CTNNA2: variants seen among roughly 807,000 people sequenced by gnomAD.
CTNNA2 encodes catenin alpha 2.
In CTNNA2, 42 loss-of-function variants were observed where a neutral mutation model predicts 101.0. That is an observed-to-expected ratio of 0.42 (90% confidence interval 0.32 to 0.54). CTNNA2 has a LOEUF of 0.54. Ranked by LOEUF, CTNNA2 falls within the 20% of genes least tolerant of loss-of-function variation. CTNNA2 has a pLI of 0.14. For missense variants in CTNNA2, 871 were observed against 1,223.1 expected, an observed-to-expected ratio of 0.71 and a Z score of 4.29; for synonymous variants, 450 against 456.4, an observed-to-expected ratio of 0.99 and a Z score of 0.18.
intron 7 of CTNNA2, among the ~76,000 whole-genome samples, chr2:80,135,336 T>C (rs1233131428): frequency 6.6e-6 from 1 of 152,178 alleles, no homozygotes; most frequent in Non-Finnish European, 1.5e-5. Context: ...CCAGCAGGCC[T>C]GAAACTCATG....
At chr2:80,593,904 A>G (rs1027191628) in intron 15 of CTNNA2, among the ~76,000 whole-genome samples, 1 of 152,114 alleles carries the variant, frequency 6.6e-6, no homozygotes, top group African/African-American at 2.4e-5. Flanking sequence ...GGTTGCTTCC[A>G]CCTTTTGGCT....
At chr2:80,277,220 G>A (rs1673977220) in intron 7 of CTNNA2, among the ~76,000 whole-genome samples, 1 of 152,116 alleles carries the variant, frequency 6.6e-6, no homozygotes, top group African/African-American at 2.4e-5. Context: ...TTCTCACTGT[G>A]GAATCTGGCC....
At chr2:79,809,318 C>T (rs189255591) in intron 3 of CTNNA2, among the ~76,000 whole-genome samples, 48 of 152,240 alleles carry the variant, frequency 3.2e-4, no homozygotes, top group Admixed American at 1.0e-3. Context: ...AATGGGATTG[C>T]GGGGTCAAAT....
At chr2:79,499,591 G>C (rs531457367) in intron 4 of CTNNA2, among the ~76,000 whole-genome samples, 2 of 152,000 alleles carry the variant, frequency 1.3e-5, no homozygotes, top group Non-Finnish European at 2.9e-5. Context: ...GATTTCTTAC[G>C]CCACCTATGT....
At chr2:79,988,396 G>T (rs1482333975) in intron 7 of CTNNA2, among the ~76,000 whole-genome samples, 1 of 151,924 alleles carries the variant, frequency 6.6e-6, no homozygotes, top group Non-Finnish European at 1.5e-5. Flanking sequence ...TGTTAAAATG[G>T]CCACATCAGA....
At chr2:79,608,970 G>A (rs1457494373) in intron 1 of CTNNA2, among the ~76,000 whole-genome samples, 1 of 151,872 alleles carries the variant, frequency 6.6e-6, no homozygotes. Flanking sequence ...AAATGGGGTT[G>A]TCTGTGAAAA....
chr2:79,847,189 T>A (rs1490317867), intron 3 of CTNNA2, among the ~76,000 whole-genome samples: 1 of 152,122 alleles, frequency 6.6e-6, no homozygotes, highest in Non-Finnish European at 1.5e-5. Flanking sequence ...AAGATTATAT[T>A]TTTATGTGTG....
intron 3 of CTNNA2, among the ~76,000 whole-genome samples, chr2:79,360,412 G>A (rs1160783201): frequency 6.6e-6 from 1 of 152,174 alleles, no homozygotes. Flanking sequence ...GTCACAGTCA[G>A]TCTTCCTGGG....
chr2:80,189,578 T>A (rs571085151), intron 7 of CTNNA2, among the ~76,000 whole-genome samples: 1 of 152,314 alleles, frequency 6.6e-6, no homozygotes, highest in Non-Finnish European at 1.5e-5. Context: ...TGTCTAAGCC[T>A]ATTATTTTCC....
intron 7 of CTNNA2, chr2:80,030,617 T>A (rs888587504): frequency 2.0e-5 from 3 of 152,120 alleles, no homozygotes; most frequent in African/African-American, 7.2e-5. Flanking sequence ...GTCCCCATAA[T>A]TAAACAATAA....
intron 3 of CTNNA2, among the ~76,000 whole-genome samples, chr2:79,805,361 A>T (rs1676486294): frequency 6.6e-6 from 1 of 152,310 alleles, no homozygotes; most frequent in East Asian, 1.9e-4. Context: ...GTTATTTTAT[A>T]CAATATTTTA....
intron 6 of CTNNA2, among the ~76,000 whole-genome samples, chr2:79,906,964 T>A (rs1685468668): frequency 6.6e-6 from 1 of 152,208 alleles, no homozygotes; most frequent in Admixed American, 6.5e-5. Flanking sequence ...GAAAATAATT[T>A]AGGAAATAGT....
At chr2:79,645,202 G>C (rs1680730123) in intron 1 of CTNNA2, among the ~76,000 whole-genome samples, 1 of 151,928 alleles carries the variant, frequency 6.6e-6, no homozygotes, top group Non-Finnish European at 1.5e-5. Flanking sequence ...GCCCAGACTA[G>C]TCTCAAACTT....
At chr2:80,571,245 G>A (rs1694571237) in intron 12 of CTNNA2, among the ~76,000 whole-genome samples, 1 of 152,134 alleles carries the variant, frequency 6.6e-6, no homozygotes, top group Non-Finnish European at 1.5e-5. Flanking sequence ...TTCTTAGTTG[G>A]CAGTTACTAA....
intron 7 of CTNNA2, among the ~76,000 whole-genome samples, chr2:80,143,127 T>C (rs146796385): frequency 3.3e-5 from 5 of 152,322 alleles, no homozygotes; most frequent in African/African-American, 4.8e-5. Context: ...TCTTTGATGC[T>C]AGGTGCCAGT....
rs546728433 is a variant in CTNNA2, at chr2:80,340,220, A to G, written c.1057-52991A>G. Among the ~76,000 whole-genome samples the G allele has an allele frequency of 3.3e-5, 5 of 152,342 alleles. No individual in the cohort carries two copies. The South Asian group carries it at 8.3e-4, about 25-fold the overall frequency. On this transcript the variant is annotated intron_variant, in intron 7 of 18. Coordinates refer to ENST00000402739, the MANE Select transcript of CTNNA2 (RefSeq NM_001282597.3). ...TATGGAGCAGTCCTGCGGTTATGTC[A>G]GTACAGCCAGTAATTTGCAAGCCTG...
chr2:79,738,153 A>G (rs1671030903), intron 2 of CTNNA2, among the ~76,000 whole-genome samples: 1 of 152,148 alleles, frequency 6.6e-6, no homozygotes, highest in African/African-American at 2.4e-5. Context: ...TACTCACATC[A>G]CACCATTAAC....
chr2:80,605,598 T>G lies in CTNNA2; in HGVS notation c.2295+1419T>G, dbSNP rs550195158. 4 of 152,006 alleles carry G rather than the reference T, an allele frequency of 2.6e-5. No homozygotes were observed. The East Asian group carries it at 7.8e-4, about 30-fold the overall frequency. The allele number at this position is 152,006 out of a possible 1,614,324, so 9.4% of individuals were successfully genotyped here. A position where few individuals can be genotyped will look rare whatever the true frequency, so the allele number is the denominator to read the frequency against. ...ATATAAGGGTTGCTCCTCTAAATAC[T>G]TACTGCCTCAGCATCCCAGGCTCTA... is the stretch of plus-strand genomic sequence containing the variant. On this transcript the variant is annotated intron_variant, in intron 16 of 18. Transcript: ENST00000402739.
At chr2:79,269,860 G>T (rs1675040054) in intron 2 of CTNNA2, among the ~76,000 whole-genome samples, 1 of 152,050 alleles carries the variant, frequency 6.6e-6, no homozygotes, top group South Asian at 2.1e-4. Context: ...TAACTCATGG[G>T]CCACTTCAAC....
Sources: allele counts gnomAD v4.1 joint callset (sites outside exome capture counted in the v4.1 genomes callset), GRCh38; gene constraint gnomAD v4.1.1; transcripts MANE v1.5; gene names NCBI Gene and HGNC (gene_info 2026-07-23, HGNC 2026-07-21).